Variants in RNF130 observed in about 807,000 individuals in gnomAD.
The protein encoded by RNF130 is E3 ubiquitin-protein ligase RNF130.
A neutral mutation model predicts 44.6 loss-of-function variants in RNF130; 21 were observed. The ratio of observed to expected loss-of-function variants is 0.47; its 90% CI spans 0.33 to 0.68. The LOEUF (loss-of-function observed/expected upper bound fraction) is 0.68. Ranked by LOEUF, RNF130 falls within the 30% of genes least tolerant of loss-of-function variation. The probability of loss-of-function intolerance (pLI) is 0.02; values close to 1 mark genes in which losing one functional copy is unlikely to be tolerated. For missense variants in RNF130, 479 were observed against 560.6 expected, an observed-to-expected ratio of 0.85 and a Z score of 1.47; for synonymous variants, 214 against 210.4, an observed-to-expected ratio of 1.02 and a Z score of -0.15.
chr5:179,987,249 C>A (rs538490404), intron 3 of RNF130, among the ~76,000 whole-genome samples: 32 of 152,172 alleles, frequency 2.1e-4, no homozygotes, highest in African/African-American at 7.2e-4. Flanking sequence ...CTCACTGCAG[C>A]CTGGACCTCC....
intron 2 of RNF130, among the ~76,000 whole-genome samples, chr5:180,027,947 G>A (rs762252264): frequency 6.6e-6 from 1 of 152,202 alleles, no homozygotes; most frequent in African/African-American, 2.4e-5. Context: ...CAACCTCATC[G>A]AGACCACGCC....
chr5:179,968,634 C>G lies in RNF130; in HGVS notation c.946-1624G>C, dbSNP rs184523052. The stretch of plus-strand genomic sequence containing the variant: ...TGAGCTGAGATCACACCACTGCACT[C>G]CAGCCTGGGTGACAAAGGGAGACTC... On this transcript the variant is annotated intron_variant, in intron 6 of 8. Coordinates refer to ENST00000521389, the MANE Select transcript of RNF130 (RefSeq NM_018434.6). Among the ~76,000 whole-genome samples the G allele has an allele frequency of 5.3e-5, 8 of 149,992 alleles. No homozygotes were observed. The East Asian group carries it at 1.6e-3, about 29-fold the overall frequency.
chr5:179,938,248 G>A (rs919751122), intron 7 of RNF130, among the ~76,000 whole-genome samples: 15 of 152,222 alleles, frequency 9.9e-5, no homozygotes, highest in African/African-American at 1.9e-4. Flanking sequence ...ACGAGTCACC[G>A]CGCCCAACCC....
At chr5:180,013,398 C>A (rs895586541) in intron 2 of RNF130, 87 bp from the exon 3 acceptor site, 5 of 1,189,328 alleles carry the variant, frequency 4.2e-6, no homozygotes, top group Non-Finnish European at 5.8e-6. Flanking sequence ...TAGGTAACTA[C>A]TATAATGTCT....
chr5:179,922,720 G>C (rs1477548871), intron 7 of RNF130, among the ~76,000 whole-genome samples: 2 of 151,496 alleles, frequency 1.3e-5, no homozygotes, highest in African/African-American at 4.8e-5. Flanking sequence ...GATGGCTTCA[G>C]CTCAGGAGTT....
At chr5:179,946,905 C>G (rs1016602410) in intron 7 of RNF130, among the ~76,000 whole-genome samples, 3 of 152,144 alleles carry the variant, frequency 2.0e-5, no homozygotes, top group Non-Finnish European at 4.4e-5. Context: ...TCTTTAGCCT[C>G]GGGCTGATCT....
intron 1 of RNF130, among the ~76,000 whole-genome samples, chr5:180,066,956 G>A (rs1307618006): frequency 5.3e-5 from 8 of 152,174 alleles, no homozygotes; most frequent in Admixed American, 1.3e-4. Context: ...TCAACTCCCC[G>A]AGGTCAAGGC....
chr5:179,951,585 G>A (rs1454631025), downstream of RNF130, among the ~76,000 whole-genome samples: 10 of 152,022 alleles, frequency 6.6e-5, no homozygotes, highest in African/African-American at 2.4e-4. Flanking sequence ...GGGTTTCACC[G>A]TGTTGGCCAG....
At chr5:179,953,051 A>T (rs1367311398), downstream of RNF130, among the ~76,000 whole-genome samples, 1 of 152,226 alleles carries the variant, frequency 6.6e-6, no homozygotes, top group East Asian at 1.9e-4. Flanking sequence ...GGAAGAAGAA[A>T]AATGATCTCT....
At chr5:179,973,351 T>C (rs1216414882) in intron 5 of RNF130, among the ~76,000 whole-genome samples, 2 of 152,208 alleles carry the variant, frequency 1.3e-5, no homozygotes, top group Non-Finnish European at 2.9e-5. Context: ...TCACCCATTG[T>C]CTAACCCTCC....
intron 2 of RNF130, among the ~76,000 whole-genome samples, chr5:180,014,223 A>T (rs926088777): frequency 6.6e-6 from 1 of 152,236 alleles, no homozygotes; most frequent in Non-Finnish European, 1.5e-5. Flanking sequence ...AGTAACAGTG[A>T]AGGAATTGAA....
intron 1 of RNF130, among the ~76,000 whole-genome samples, chr5:180,059,428 TC>T (rs1237668969): frequency 6.6e-6 from 1 of 152,054 alleles, no homozygotes; most frequent in African/African-American, 2.4e-5. Flanking sequence ...TCCTTTTACT[TC>T]CCCCCACCAG....
intron 2 of RNF130, among the ~76,000 whole-genome samples, chr5:180,031,027 T>C (rs1290947508): frequency 1.3e-5 from 2 of 152,350 alleles, no homozygotes; most frequent in Admixed American, 6.5e-5. Flanking sequence ...AAAACCATTA[T>C]GGTGATGTGA....
At chr5:179,946,902 C>A (rs1391826490) in intron 7 of RNF130, among the ~76,000 whole-genome samples, 1 of 152,180 alleles carries the variant, frequency 6.6e-6, no homozygotes, top group Non-Finnish European at 1.5e-5. Flanking sequence ...CTTTCTTTAG[C>A]CTCGGGCTGA....
intron 1 of RNF130, among the ~76,000 whole-genome samples, chr5:180,049,693 C>T (rs944852999): frequency 2.0e-5 from 3 of 152,194 alleles, no homozygotes; most frequent in African/African-American, 7.2e-5. Flanking sequence ...TTAAATCAGA[C>T]TGCAAAAGGA....
intron 3 of RNF130, among the ~76,000 whole-genome samples, chr5:179,997,556 C>T (rs985117864): frequency 3.3e-5 from 5 of 151,268 alleles, no homozygotes; most frequent in African/African-American, 1.2e-4. Flanking sequence ...TCTTGATCTC[C>T]TGACCTCGTG....
At chr5:179,997,385 G>A (rs371398257) in intron 3 of RNF130, among the ~76,000 whole-genome samples, 1 of 152,228 alleles carries the variant, frequency 6.6e-6, no homozygotes, top group East Asian at 1.9e-4. Context: ...GCGCACTGGC[G>A]CAATCTCGGC....
chr5:180,040,708 A>C, intron 1 of RNF130, 61 bp from the exon 2 acceptor site: 1 of 1,470,624 alleles, frequency 6.8e-7, no homozygotes, highest in South Asian at 1.3e-5. Flanking sequence ...TCTTTATCAA[A>C]GTGTCAACTG....
intron 7 of RNF130, among the ~76,000 whole-genome samples, chr5:179,942,891 A>G (rs1761984972): frequency 6.6e-6 from 1 of 152,190 alleles, no homozygotes; most frequent in Admixed American, 6.5e-5. Context: ...TTGACAGAAG[A>G]GCCTCAAAAA....
Sources: allele counts gnomAD v4.1 joint callset (sites outside exome capture counted in the v4.1 genomes callset), GRCh38; gene constraint gnomAD v4.1.1; transcripts MANE v1.5; gene names NCBI Gene and HGNC (gene_info 2026-07-23, HGNC 2026-07-21).